The following FHOD3 variants were observed in gnomAD, a reference collection of about 807,000 sequenced individuals.
FHOD3 encodes the protein formin homology 2 domain containing 3.
FHOD3 carries 90 observed loss-of-function variants against 173.0 expected under a neutral mutation model. The ratio of observed to expected loss-of-function variants is 0.52; its 90% CI spans 0.44 to 0.62. The LOEUF (loss-of-function observed/expected upper bound fraction) is 0.62, where lower values mean the gene tolerates loss of function less well. Among genes scored for constraint, FHOD3 ranks in the 20% least tolerant of loss-of-function variants. The pLI is 0.00. For synonymous variants in FHOD3, 828 were observed against 823.0 expected, an observed-to-expected ratio of 1.01 and a Z score of -0.10; for missense variants, 1,945 against 2,034.7, an observed-to-expected ratio of 0.96 and a Z score of 0.85.
intron 24 of FHOD3, among the ~76,000 whole-genome samples, chr18:36,748,385 AC>A (rs2042253460): frequency 1.9e-4 from 17 of 89,948 alleles, no homozygotes; most frequent in Non-Finnish European, 3.1e-4. Flanking sequence ...CACACACAAC[AC>A]ACACACACAC....
rs895817786 is a variant in FHOD3 at position 36,641,940 on chromosome 18, G to A, written c.1197-7376G>A. ...TGCACTCCAGACTGAGCAACAGAGC[G>A]AAACTCGGTCTCAAAAAAAAAAAAA... On this transcript the variant is annotated intron_variant, in intron 10 of 28. Coordinates refer to ENST00000590592, the MANE Select transcript of FHOD3 (RefSeq NM_001281740.3). 3.5e-5 allele frequency among the ~76,000 whole-genome samples: 5 copies of A among 142,018 alleles called. No homozygotes were observed. The East Asian group carries it at 6.1e-4, about 17-fold the overall frequency. 93.2% of individuals were successfully genotyped at this position (142,018 alleles called of 152,430 possible). A position where few individuals can be genotyped will look rare whatever the true frequency, so the allele number is the denominator to read the frequency against.
At chr18:36,574,823 T>A (rs2058586336) in intron 5 of FHOD3, among the ~76,000 whole-genome samples, 1 of 152,176 alleles carries the variant, frequency 6.6e-6, no homozygotes, top group Non-Finnish European at 1.5e-5. Context: ...GTTTTACCAT[T>A]AAATAGACTA....
In FHOD3 at chr18:36,344,045, G is replaced by A. The variant is rs576580268; in HGVS notation, c.166-11494G>A. On this transcript the variant is annotated intron_variant, in intron 1 of 28. Coordinates refer to ENST00000590592, the MANE Select transcript of FHOD3 (RefSeq NM_001281740.3). ...CAACTCTGTGAATATACTATAAGCC[G>A]GAGAATTATGCACTTGAAATAGGTG... Among the ~76,000 whole-genome samples the A allele has an allele frequency of 1.1e-4, 16 of 152,204 alleles. No homozygotes were observed. The East Asian group carries it at 1.4e-3, about 13-fold the overall frequency.
At chr18:36,426,838 A>G (rs951476244) in intron 3 of FHOD3, among the ~76,000 whole-genome samples, 2 of 152,202 alleles carry the variant, frequency 1.3e-5, no homozygotes, top group Admixed American at 6.5e-5. Context: ...TTCATTTTCC[A>G]TAAAACCCAA....
intron 1 of FHOD3, among the ~76,000 whole-genome samples, chr18:36,325,573 TC>T (rs1344445469): frequency 6.6e-6 from 1 of 152,210 alleles, no homozygotes; most frequent in African/African-American, 2.4e-5. Context: ...GCCCTTTCTC[TC>T]CTTCAGATGC....
chr18:36,739,157 T>C (rs2041783486), intron 20 of FHOD3, among the ~76,000 whole-genome samples: 1 of 152,236 alleles, frequency 6.6e-6, no homozygotes, highest in South Asian at 2.1e-4. Context: ...ACCCACAAGT[T>C]ACCACCCCTT....
intron 3 of FHOD3, among the ~76,000 whole-genome samples, chr18:36,462,950 G>A (rs1297076061): frequency 1.3e-5 from 2 of 152,168 alleles, no homozygotes; most frequent in South Asian, 2.1e-4. Flanking sequence ...TGATCTTGAT[G>A]TATTGGATGG....
chr18:36,660,424 G>T (rs2036709898), intron 14 of FHOD3, among the ~76,000 whole-genome samples: 1 of 152,168 alleles, frequency 6.6e-6, no homozygotes, highest in African/African-American at 2.4e-5. Context: ...TAGTAGCATA[G>T]AACAAGCCAC....
chr18:36,428,446 C>T lies in FHOD3; in HGVS notation c.337+55702C>T, dbSNP rs146479910. Among the ~76,000 whole-genome samples, 16 of 152,326 alleles carry T rather than the reference C, an allele frequency of 1.1e-4. No individual in the cohort carries two copies. The Middle Eastern group carries it at 0.01, about 97-fold the overall frequency. Reference sequence around the variant, plus strand: ...GGCTCATGCTCTCTTGTGAGAAACACAGCCCCACTCCGGCCTGTGAAGTGT... The same window carrying T: ...GGCTCATGCTCTCTTGTGAGAAACATAGCCCCACTCCGGCCTGTGAAGTGT... On this transcript the variant is annotated intron_variant, in intron 3 of 28. Transcript: ENST00000590592.
chr18:36,587,907 C>A (rs2059091452), intron 6 of FHOD3, among the ~76,000 whole-genome samples: 3 of 152,232 alleles, frequency 2.0e-5, no homozygotes, highest in Non-Finnish European at 2.9e-5. Context: ...GGCTACCCAG[C>A]CTTACACTTG....
intron 9 of FHOD3, among the ~76,000 whole-genome samples, chr18:36,614,344 T>C (rs1200278725): frequency 6.6e-6 from 1 of 152,266 alleles, no homozygotes; most frequent in East Asian, 1.9e-4. Flanking sequence ...TTCATAGTTG[T>C]GCTGACAGTA....
At chr18:36,321,477 G>GT (rs1315686435) in intron 1 of FHOD3, among the ~76,000 whole-genome samples, 1 of 152,210 alleles carries the variant, frequency 6.6e-6, no homozygotes, top group African/African-American at 2.4e-5. Flanking sequence ...AGTGATTTCT[G>GT]TTTTTTCTCT....
intron 3 of FHOD3, among the ~76,000 whole-genome samples, chr18:36,468,352 A>G (rs1302702533): frequency 6.6e-6 from 1 of 152,196 alleles, no homozygotes; most frequent in Non-Finnish European, 1.5e-5. Flanking sequence ...AGACGTGGTG[A>G]TAAGGGCCCA....
chr18:36,325,754 G>C (rs2044638245), intron 1 of FHOD3, among the ~76,000 whole-genome samples: 1 of 152,014 alleles, frequency 6.6e-6, no homozygotes, highest in South Asian at 2.1e-4. Flanking sequence ...ATTTTTGCTA[G>C]GCAGCCTGCA....
chr18:36,421,084 G>T (rs763671138), intron 3 of FHOD3, among the ~76,000 whole-genome samples: 1 of 152,112 alleles, frequency 6.6e-6, no homozygotes, highest in Non-Finnish European at 1.5e-5. Context: ...GCACTCGGGT[G>T]CTTGAACTGT....
chr18:36,676,832 C>T (rs2037893978), intron 14 of FHOD3, among the ~76,000 whole-genome samples: 1 of 152,084 alleles, frequency 6.6e-6, no homozygotes, highest in South Asian at 2.1e-4. Flanking sequence ...TACCCTTTGC[C>T]CATTTTCCTC....
intron 3 of FHOD3, among the ~76,000 whole-genome samples, chr18:36,443,666 G>T (rs2051283126): frequency 6.6e-6 from 1 of 152,202 alleles, no homozygotes; most frequent in South Asian, 2.1e-4. Context: ...AAGGCTGGAT[G>T]TGCTCATTGA....
At chr18:36,706,195 C>T (rs1217579198) in intron 17 of FHOD3, among the ~76,000 whole-genome samples, 3 of 152,118 alleles carry the variant, frequency 2.0e-5, no homozygotes, top group Non-Finnish European at 4.4e-5. Context: ...GGCCCTCAGA[C>T]AACTTTCCTG....
chr18:36,655,792 T>G (rs1165807395), intron 13 of FHOD3, among the ~76,000 whole-genome samples: 1 of 151,528 alleles, frequency 6.6e-6, no homozygotes, highest in African/African-American at 2.4e-5. Context: ...GAATAGTGAG[T>G]TGTATGATCT....
Sources: allele counts gnomAD v4.1 joint callset (sites outside exome capture counted in the v4.1 genomes callset), GRCh38; gene constraint gnomAD v4.1.1; transcripts MANE v1.5; gene names NCBI Gene and HGNC (gene_info 2026-07-23, HGNC 2026-07-21).